Variants in SMIM8 observed in about 807,000 individuals in gnomAD.
SMIM8 encodes UPF0708 protein C6orf162.
In SMIM8, 8 loss-of-function variants were observed where a neutral mutation model predicts 8.1. The observed-to-expected ratio is 0.99, with a 90% confidence interval of 0.58 to 1.78. The LOEUF (loss-of-function observed/expected upper bound fraction) is 1.78. Among genes scored for constraint, SMIM8 ranks in the 40% most tolerant of loss-of-function variants. The pLI, the probability that SMIM8 is intolerant of heterozygous loss-of-function variation, is 0.00. For missense variants in SMIM8, 126 were observed against 119.8 expected (o/e 1.05, Z -0.24); for synonymous variants, 45 against 39.7 (o/e 1.13, Z -0.50).
intron 3 of SMIM8, 104 bp downstream of exon 3, chr6:87,337,270 CAAGT>C: frequency 1.6e-6 from 2 of 1,260,950 alleles, no homozygotes; most frequent in African/African-American, 1.5e-5. Context: ...TTTATGTTGA[CAAGT>C]AAGACCTCTC....
At chr6:87,334,705 T>C (rs1438479687) in intron 2 of SMIM8, among the ~76,000 whole-genome samples, 1 of 152,206 alleles carries the variant, frequency 6.6e-6, no homozygotes, top group Admixed American at 6.5e-5. Context: ...AGATTGATGA[T>C]TGGTGTTTCT....
intron 2 of SMIM8, among the ~76,000 whole-genome samples, chr6:87,332,321 ATATATG>A (rs71704411): frequency 0.15 from 15,444 of 103,208 alleles, 911 homozygotes; most frequent in African/African-American, 0.17. Context: ...CTCCCCCCCC[ATATATG>A]TATATATATA....
At position 87,340,280 on chromosome 6, in the gene SMIM8, C is replaced by T; in HGVS notation, c.*6C>T. The T allele has an allele frequency of 6.3e-7, 1 of 1,578,046 alleles. No homozygotes were observed. The highest frequency in any genetic ancestry group is 8.6e-7 in the Non-Finnish European group (1 of 1,167,112). On this transcript the variant is annotated 3_prime_UTR_variant, in exon 4 of 4. Transcript: ENST00000392863. ...AAACATCCAAATGGGATTAGTAGTG[C>T]TGGTTAGTGCAGATGGACCTTTATT...
Position 87,341,339 on chromosome 6 carries a change from A to G in SMIM8, c.*1065A>G. The G allele has an allele frequency of 2.5e-6, 1 of 398,384 alleles. No individual in the cohort carries two copies. Among genetic ancestry groups the G allele is most frequent in the Non-Finnish European group, 4.4e-6 (1 of 225,978 alleles). 24.7% of individuals were successfully genotyped at this position (398,384 alleles called of 1,614,324 possible). ...AAGCCTAGCCCTACGGTCAGTACCC[A>G]CTGGAGGTGAGAAGCAGAATGGCCT... On this transcript the variant is annotated 3_prime_UTR_variant, in exon 4 of 4. Coordinates refer to ENST00000392863, the MANE Select transcript of SMIM8 (RefSeq NM_001042493.3).
chr6:87,340,380 T>C lies in SMIM8; in HGVS notation c.*106T>C. 1.7e-6 allele frequency: 2 copies of C among 1,173,280 alleles called. No individual in the cohort carries two copies. The highest frequency in any genetic ancestry group is 3.1e-5 in the East Asian group (1 of 32,646). 72.7% of individuals were successfully genotyped at this position (1,173,280 alleles called of 1,614,324 possible). On this transcript the variant is annotated 3_prime_UTR_variant, in exon 4 of 4. Coordinates refer to ENST00000392863, the MANE Select transcript of SMIM8 (RefSeq NM_001042493.3). The stretch of plus-strand genomic sequence containing the variant: ...TGTTTCTTGTTCTAGAACATGCTAA[T>C]GAAGAGAGAAGATAGCAGTTGCAAC...
intron 2 of SMIM8, 118 bp from the exon 3 acceptor site, chr6:87,336,891 T>G: frequency 1.5e-6 from 1 of 665,234 alleles, no homozygotes; most frequent in Non-Finnish European, 2.3e-6. Context: ...TAACTGACAA[T>G]CACATTTGGT....
At chr6:87,338,906 C>CTTTTTTTTTTTTTTTTTTTTTTTTTTTTT (rs58307492) in intron 3 of SMIM8, among the ~76,000 whole-genome samples, 1 of 116,104 alleles carries the variant, frequency 8.6e-6, no homozygotes. Flanking sequence ...TATTTAAAAG[C>CTTTTTTTTTTTTTTTTTTTTTTTTTTTTT]TTTTTTTTTT....
chr6:87,328,403 T>A (rs1238654989), intron 1 of SMIM8, among the ~76,000 whole-genome samples: 3 of 152,188 alleles, frequency 2.0e-5, no homozygotes, highest in East Asian at 1.9e-4. Context: ...TTTGTCTTTG[T>A]TGATGGTGAT....
intron 1 of SMIM8, among the ~76,000 whole-genome samples, chr6:87,325,440 C>A (rs576044664): frequency 0.073 from 10,785 of 147,442 alleles, 886 homozygotes; most frequent in African/African-American, 0.2. Flanking sequence ...AGATACGTCC[C>A]ATCAATACCT....
At position 87,340,463 on chromosome 6, in the gene SMIM8, T is replaced by C. The variant is rs895701666; in HGVS notation, c.*189T>C. 9 of 406,992 alleles carry C rather than the reference T, an allele frequency of 2.2e-5. No individual in the cohort carries two copies. In the South Asian group the frequency reaches 7.1e-4, roughly 32 times the overall value. The allele number at this position is 406,992 out of a possible 1,614,324, so 25.2% of individuals were successfully genotyped here. A position where few individuals can be genotyped will look rare whatever the true frequency, so the allele number is the denominator to read the frequency against. On this transcript the variant is annotated 3_prime_UTR_variant, in exon 4 of 4. Transcript: ENST00000392863. ...GCTGCAGCCATTATCTCATTCTTTTTCCACAGAGTGAGCGTCATAATATTT... is the reference window on the plus strand; with the variant it reads ...GCTGCAGCCATTATCTCATTCTTTTCCCACAGAGTGAGCGTCATAATATTT...
intron 1 of SMIM8, among the ~76,000 whole-genome samples, chr6:87,326,573 G>T (rs1025288249): frequency 1.3e-5 from 2 of 149,244 alleles, no homozygotes; most frequent in Non-Finnish European, 3.0e-5. Context: ...GTAGTTGAGT[G>T]GTTTTGAGTG....
At chr6:87,339,327 T>TGTGTGTGTGTGTGA (rs1303954326) in intron 3 of SMIM8, among the ~76,000 whole-genome samples, 3 of 7,758 alleles carry the variant, frequency 3.9e-4, no homozygotes, top group African/African-American at 1.1e-3. Flanking sequence ...AAACACAGCG[T>TGTGTGTGTGTGTGA]GTGTGTGTGT....
chr6:87,326,177 C>A lies in SMIM8; in HGVS notation c.-45+3545C>A, dbSNP rs182620353. 8.3e-3 allele frequency among the ~76,000 whole-genome samples: 1,271 copies of A among 152,230 alleles called. 28 individuals are homozygous for A. Among genetic ancestry groups the A allele is most frequent in the African/African-American group, 0.03 (1,240 of 41,520 alleles). On this transcript the variant is annotated intron_variant, in intron 1 of 3. Coordinates refer to ENST00000392863, the MANE Select transcript of SMIM8 (RefSeq NM_001042493.3). ...TCTCTTTTTATCTTTATTAGTCTTG[C>A]TAGCGGTCTATCAATTTTGTTGATC... is the stretch of plus-strand genomic sequence containing the variant.
At chr6:87,331,881 A>G (rs1381346198) in intron 2 of SMIM8, among the ~76,000 whole-genome samples, 1 of 152,182 alleles carries the variant, frequency 6.6e-6, no homozygotes, top group Admixed American at 6.5e-5. Flanking sequence ...TGTTACTCTC[A>G]TACTTTCCAG....
At chr6:87,336,103 A>G (rs912475508) in intron 2 of SMIM8, among the ~76,000 whole-genome samples, 3 of 152,192 alleles carry the variant, frequency 2.0e-5, no homozygotes, top group African/African-American at 4.8e-5. Context: ...CTTTTATTTT[A>G]TAACATTTAC....
At chr6:87,332,690 A>G (rs1024344395) in intron 2 of SMIM8, among the ~76,000 whole-genome samples, 2 of 23,150 alleles carry the variant, frequency 8.6e-5, no homozygotes, top group Non-Finnish European at 2.0e-4. Context: ...GTGCTCTGCA[A>G]TATGAACTTC....
chr6:87,341,391 G>T lies in SMIM8; in HGVS notation c.*1117G>T. ...GGTTGTCCTGGCACCTGGCCCAGGG[G>T]CCTAGGACAGAGGTCAAGGCTAGGC... On this transcript the variant is annotated 3_prime_UTR_variant, in exon 4 of 4. Transcript: ENST00000392863. The T allele has an allele frequency of 2.5e-6, 1 of 397,600 alleles. No homozygotes were observed. The highest frequency in any genetic ancestry group is 4.4e-6 in the Non-Finnish European group (1 of 225,504). 24.6% of individuals were successfully genotyped at this position (397,600 alleles called of 1,614,324 possible).
rs536334646 is a variant in SMIM8, at chr6:87,342,034, A to G, written c.*1760A>G. 4 of 152,338 alleles carry G rather than the reference A, an allele frequency of 2.6e-5. No individual in the cohort carries two copies. In the East Asian group the frequency reaches 5.8e-4, roughly 22 times the overall value. 9.4% of individuals were successfully genotyped at this position (152,338 alleles called of 1,614,324 possible). A position where few individuals can be genotyped will look rare whatever the true frequency, so the allele number is the denominator to read the frequency against. On this transcript the variant is annotated 3_prime_UTR_variant, in exon 4 of 4. Transcript: ENST00000392863. ...CAAGAGATTGCAGTGCAGGAGGGCA[A>G]CAGAAACTGTACAAGGTGCAGACTT... is the stretch of plus-strand genomic sequence containing the variant.
intron 2 of SMIM8, among the ~76,000 whole-genome samples, chr6:87,333,211 C>T (rs1489747613): frequency 1.3e-5 from 2 of 152,068 alleles, no homozygotes; most frequent in African/African-American, 2.4e-5. Context: ...GTGCTAGGCT[C>T]TTTTTAACAA....
Sources: allele counts gnomAD v4.1 joint callset (sites outside exome capture counted in the v4.1 genomes callset), GRCh38; gene constraint gnomAD v4.1.1; transcripts MANE v1.5; gene names NCBI Gene and HGNC (gene_info 2026-07-23, HGNC 2026-07-21).